Variants in OR4K1 observed in about 807,000 individuals in gnomAD.
The protein encoded by OR4K1 is olfactory receptor family 4 subfamily K member 1.
In OR4K1, 16 loss-of-function variants were observed where a neutral mutation model predicts 14.4. The observed-to-expected ratio is 1.11, with a 90% CI of 0.75 to 1.68. The LOEUF (loss-of-function observed/expected upper bound fraction) is 1.68, where lower values mean the gene tolerates loss of function less well. Among genes scored for constraint, OR4K1 ranks in the 40% most tolerant of loss-of-function variants. The pLI, the probability that OR4K1 is intolerant of heterozygous loss-of-function variation, is 0.00. For synonymous variants in OR4K1, 181 were observed against 133.1 expected, an observed-to-expected ratio of 1.36 and a Z score of -2.48; for missense variants, 548 against 376.9, an observed-to-expected ratio of 1.45 and a Z score of -3.76.
chr14:19,921,084 T>C, the OR4K1 span: 1 of 1,614,198 alleles, frequency 6.2e-7, no homozygotes, highest in Non-Finnish European at 8.5e-7. Flanking sequence ...ATTAAGCCAG[T>C]TATCATTTAC....
chr14:19,922,219 CT>C, the OR4K1 span, among the ~76,000 whole-genome samples: 3 of 152,210 alleles, frequency 2.0e-5, no homozygotes, highest in East Asian at 5.8e-4. Context: ...TTCCAATTTC[CT>C]TTTAGATTAT....
chr14:19,926,770 G>A (rs1482608663), upstream of OR4K1, among the ~76,000 whole-genome samples: 1 of 152,232 alleles, frequency 6.6e-6, no homozygotes, highest in Non-Finnish European at 1.5e-5. Context: ...ATGTCGACCA[G>A]AAATCCAATG....
chr14:19,925,881 T>C, the OR4K1 span, among the ~76,000 whole-genome samples: 6 of 152,214 alleles, frequency 3.9e-5, no homozygotes, highest in Non-Finnish European at 5.9e-5. Context: ...AGGAGGAAAG[T>C]ATCAGAGGTA....
the OR4K1 span, chr14:19,921,382 T>C: frequency 2.5e-3 from 4,105 of 1,613,598 alleles, 15 homozygotes; most frequent in African/African-American, 0.047. Flanking sequence ...TTCATCTATG[T>C]GTGGCCCTTT....
chr14:19,933,968 C>T (rs1411521304), intron 1 of OR4K1, among the ~76,000 whole-genome samples: 2 of 152,244 alleles, frequency 1.3e-5, no homozygotes, highest in African/African-American at 4.8e-5. Flanking sequence ...AGTGCTCCAA[C>T]ATCCAGGTTA....
chr14:19,921,264 A>G, the OR4K1 span: 3 of 1,614,148 alleles, frequency 1.9e-6, no homozygotes, highest in South Asian at 2.2e-5. Context: ...CTCCTACATC[A>G]TTATTCTTGT....
the OR4K1 span, chr14:19,920,500 G>T: frequency 7.2e-7 from 1 of 1,387,886 alleles, no homozygotes; most frequent in African/African-American, 1.5e-5. Context: ...CATTATATCT[G>T]AGATCTCAGA....
upstream of OR4K1, among the ~76,000 whole-genome samples, chr14:19,930,719 G>GAACA (rs200153429): frequency 4.6e-5 from 7 of 152,200 alleles, no homozygotes; most frequent in Non-Finnish European, 8.8e-5. Flanking sequence ...ACTAGTTGGC[G>GAACA]AACAAACAAA....
At chr14:19,931,237 T>C (rs1882177092) in intron 1 of OR4K1, 92 bp downstream of exon 1, 1 of 152,282 alleles carries the variant, frequency 6.6e-6, no homozygotes, top group Admixed American at 6.5e-5. Flanking sequence ...AACTAGAAGA[T>C]AGCAAAGTGG....
chr14:19,923,401 A>G, the OR4K1 span, among the ~76,000 whole-genome samples: 1 of 152,366 alleles, frequency 6.6e-6, no homozygotes, highest in Non-Finnish European at 1.5e-5. Flanking sequence ...TTTATGTTCT[A>G]TAAACATTTT....
intron 1 of OR4K1, among the ~76,000 whole-genome samples, chr14:19,932,825 C>CT (rs1882214967): frequency 6.6e-6 from 1 of 152,006 alleles, no homozygotes; most frequent in South Asian, 2.1e-4. Flanking sequence ...ATGCCATATG[C>CT]TTAGGGGACT....
At position 19,936,010 on chromosome 14, in the gene OR4K1, T is replaced by C. The variant is rs138010696; in HGVS notation, c.344T>C (p.Leu115Pro). The C allele has an allele frequency of 7.4e-6, 12 of 1,614,144 alleles. No individual in the cohort carries two copies. The highest frequency in any genetic ancestry group is 1.3e-5 in the African/African-American group (1 of 74,950). The change falls in exon 2 of 2, where the codon CTT becomes CCT. Residue 115 changes from leucine (L) to proline (P), a missense_variant. Coordinates refer to ENST00000641172, the MANE Select transcript of OR4K1 (RefSeq NM_001004063.3). ...TTTGTTGGGAGTGAGATGATGTTGC[T>C]TGTAGCTATGGCATATGACAGATTT... ...HSFVGSEMML[L>P]VAMAYDRFIA...
chr14:19,927,334 C>A (rs1238166500), upstream of OR4K1, among the ~76,000 whole-genome samples: 1 of 152,208 alleles, frequency 6.6e-6, no homozygotes, highest in East Asian at 1.9e-4. Flanking sequence ...TTGGCCAGAG[C>A]CATAAACATT....
chr14:19,925,423 G>C, the OR4K1 span, among the ~76,000 whole-genome samples: 2 of 152,000 alleles, frequency 1.3e-5, no homozygotes, highest in Non-Finnish European at 1.5e-5. Flanking sequence ...TCTTCTTCAC[G>C]ATAACCCATA....
At chr14:19,920,937 G>A in the OR4K1 span, 3 of 1,614,056 alleles carry the variant, frequency 1.9e-6, no homozygotes, top group African/African-American at 2.7e-5. Flanking sequence ...TACTGGAGGG[G>A]AGATGGTGCT....
chr14:19,936,343 G>A lies in OR4K1; in HGVS notation c.677G>A (p.Arg226Gln), dbSNP rs755426984. Reference protein sequence around the residue: ...ISYTIILIGVRCRSSSGSSKA... With the variant: ...ISYTIILIGVQCRSSSGSSKA... ...TACACCATCATTTTGATCGGTGTCC[G>A]ATGCAGGTCCTCCAGTGGGTCATCT... Residue 226 changes from arginine to glutamine, a missense_variant, in exon 2 of 2, where the codon CGA becomes CAA. Coordinates refer to ENST00000641172, the MANE Select transcript of OR4K1 (RefSeq NM_001004063.3). The A allele has an allele frequency of 3.7e-5, 59 of 1,614,112 alleles. No homozygotes were observed. The highest frequency in any genetic ancestry group is 1.6e-4 in the Middle Eastern group (1 of 6,084).
upstream of OR4K1, among the ~76,000 whole-genome samples, chr14:19,927,710 T>C (rs1713754626): frequency 6.6e-6 from 1 of 152,214 alleles, no homozygotes. Flanking sequence ...TGGTGGCAAA[T>C]CAACTGTATC....
Position 19,936,263 on chromosome 14 carries a change from C to G in OR4K1, c.597C>G (p.Thr199=). 1 of 1,614,180 alleles carries G rather than the reference C, an allele frequency of 6.2e-7. No individual in the cohort carries two copies. Among genetic ancestry groups the G allele is most frequent in the South Asian group, 1.1e-5 (1 of 91,080 alleles). ...CMDTYEMEIM[T]LTNSGLISLS... The stretch of plus-strand genomic sequence containing the variant: ...ATACATATGAAATGGAAATTATGAC[C>G]CTAACGAACAGTGGCCTGATATCAT... The change falls in exon 2 of 2, where the codon ACC becomes ACG. Residue 199 remains threonine, a synonymous_variant. Coordinates refer to ENST00000641172, the MANE Select transcript of OR4K1 (RefSeq NM_001004063.3).
chr14:19,924,176 G>A, the OR4K1 span, among the ~76,000 whole-genome samples: 15 of 152,166 alleles, frequency 9.9e-5, no homozygotes, highest in East Asian at 5.8e-4. Flanking sequence ...CGAAGTGGGC[G>A]GATAACCTGA....
Sources: allele counts gnomAD v4.1 joint callset (sites outside exome capture counted in the v4.1 genomes callset), GRCh38; gene constraint gnomAD v4.1.1; transcripts MANE v1.5; gene names NCBI Gene and HGNC (gene_info 2026-07-23, HGNC 2026-07-21).